The following SPMIP5 variants were observed in gnomAD, a reference collection of about 807,000 sequenced individuals.
SPMIP5 encodes sperm-associated microtubule inner protein 5.
chr10:116,667,522 A>G, the SPMIP5 span, among the ~76,000 whole-genome samples: 1 of 152,154 alleles, frequency 6.6e-6, no homozygotes, highest in Non-Finnish European at 1.5e-5. Context: ...CCCAAAGCCT[A>G]TTCTCAACCA....
At chr10:116,669,769 G>T in the SPMIP5 span, among the ~76,000 whole-genome samples, 27 of 152,016 alleles carry the variant, frequency 1.8e-4, no homozygotes, top group South Asian at 2.1e-4. Context: ...GACAGGATAT[G>T]TTGCCCAAAA....
the SPMIP5 span, among the ~76,000 whole-genome samples, chr10:116,666,489 C>T: frequency 6.7e-6 from 1 of 149,322 alleles, no homozygotes; most frequent in East Asian, 2.0e-4. Flanking sequence ...ATGAGGAAAA[C>T]TGGTTAAGAA....
chr10:116,667,482 AAC>A, the SPMIP5 span, among the ~76,000 whole-genome samples: 2 of 152,154 alleles, frequency 1.3e-5, no homozygotes, highest in African/African-American at 4.8e-5. Context: ...ACAGTGACCA[AAC>A]AGAGATTCGA....
chr10:116,667,238 A>T, the SPMIP5 span, among the ~76,000 whole-genome samples: 2 of 152,214 alleles, frequency 1.3e-5, no homozygotes, highest in Admixed American at 6.5e-5. Context: ...TGGGGCCACC[A>T]GAAGCTGGAA....
the SPMIP5 span, chr10:116,664,593 C>T: frequency 5.3e-6 from 7 of 1,327,066 alleles, no homozygotes; most frequent in African/African-American, 8.9e-5. Flanking sequence ...GCAGAGGGCA[C>T]CTGCCTACTG....
the SPMIP5 span, chr10:116,664,167 T>C: frequency 6.2e-7 from 1 of 1,614,052 alleles, no homozygotes; most frequent in Non-Finnish European, 8.5e-7. Flanking sequence ...GAGACATTTC[T>C]CCTCACCTGG....
the SPMIP5 span, chr10:116,668,133 A>C: frequency 1.1e-6 from 1 of 909,122 alleles, no homozygotes; most frequent in Non-Finnish European, 1.8e-6. Flanking sequence ...TGCATGTCTG[A>C]GAAGCTAGAG....
the SPMIP5 span, among the ~76,000 whole-genome samples, chr10:116,667,423 T>C: frequency 2.6e-5 from 4 of 152,264 alleles, no homozygotes; most frequent in Non-Finnish European, 5.9e-5. Context: ...ATCCATTTTA[T>C]AGAATGTTGT....
chr10:116,666,151 A>C, the SPMIP5 span, among the ~76,000 whole-genome samples: 1 of 152,240 alleles, frequency 6.6e-6, no homozygotes, highest in South Asian at 2.1e-4. Context: ...GGCCAAAATG[A>C]TAGTCTAAGG....
the SPMIP5 span, chr10:116,664,115 C>A: frequency 1.2e-6 from 2 of 1,613,804 alleles, no homozygotes; most frequent in Non-Finnish European, 1.7e-6. Context: ...AAGGCCACTG[C>A]AAACATTTCA....
chr10:116,668,932 TGCACAC>T, the SPMIP5 span, among the ~76,000 whole-genome samples: 6 of 22,278 alleles, frequency 2.7e-4, no homozygotes, highest in Non-Finnish European at 5.3e-4. Flanking sequence ...GGCACACACA[TGCACAC>T]ACACACACAC....
chr10:116,662,391 C>T, the SPMIP5 span, among the ~76,000 whole-genome samples: 1 of 152,284 alleles, frequency 6.6e-6, no homozygotes, highest in Non-Finnish European at 1.5e-5. Flanking sequence ...GGTGACAGGT[C>T]CTGCAGTGGT....
At chr10:116,664,948 C>T in the SPMIP5 span, 1 of 1,609,816 alleles carries the variant, frequency 6.2e-7, no homozygotes, top group Non-Finnish European at 8.5e-7. Context: ...TATTTGCATT[C>T]TGTAAAAAGA....
At chr10:116,665,535 G>T in the SPMIP5 span, 13 of 1,396,974 alleles carry the variant, frequency 9.3e-6, no homozygotes, top group African/African-American at 1.1e-4. Flanking sequence ...GTGCTATGGG[G>T]CAGCTCAGCT....
At chr10:116,665,043 C>T in the SPMIP5 span, 3 of 1,515,340 alleles carry the variant, frequency 2.0e-6, no homozygotes, top group Non-Finnish European at 2.6e-6. Context: ...TGCCTAGGGT[C>T]TCCTAGTTCT....
chr10:116,665,047 T>C, the SPMIP5 span: 2 of 1,513,664 alleles, frequency 1.3e-6, no homozygotes, highest in East Asian at 4.5e-5. Context: ...TAGGGTCTCC[T>C]AGTTCTCAGA....
chr10:116,668,972 A>ACACACACACACACAC, the SPMIP5 span, among the ~76,000 whole-genome samples: 27 of 58,938 alleles, frequency 4.6e-4, no homozygotes, highest in Admixed American at 2.9e-3. Context: ...CACACACACA[A>ACACACACACACACAC]ACAAGGGAGA....
At chr10:116,667,192 A>T in the SPMIP5 span, among the ~76,000 whole-genome samples, 2 of 152,124 alleles carry the variant, frequency 1.3e-5, no homozygotes, top group Non-Finnish European at 2.9e-5. Context: ...GGATGAAGAG[A>T]GTGACTGGAG....
the SPMIP5 span, chr10:116,665,115 G>A: frequency 2.2e-6 from 3 of 1,390,942 alleles, no homozygotes; most frequent in East Asian, 5.5e-5. Flanking sequence ...GTTTCTTTCT[G>A]GCCAGCCTCT....
Sources: gnomAD v4.1 joint callset for allele counts (sites outside exome capture counted in the v4.1 genomes callset) on GRCh38, gnomAD v4.1.1 for gene constraint, MANE v1.5 for transcripts, NCBI Gene and HGNC (gene_info 2026-07-23, HGNC 2026-07-21) for gene names.